MAF: variants seen among roughly 807,000 people sequenced by gnomAD.
MAF encodes transcription factor Maf.
A neutral mutation model predicts 22.0 loss-of-function variants in MAF; 10 were observed. That is an observed-to-expected ratio of 0.45 (90% CI 0.28 to 0.77). The LOEUF is 0.77. MAF is among the 30% of genes least tolerant of loss of function. The pLI is 0.12. For synonymous variants in MAF, 337 were observed against 255.8 expected (o/e 1.32, Z -3.03); for missense variants, 544 against 548.4 (o/e 0.99, Z 0.08).
chr16:79,600,043 C>A lies in MAF; in HGVS notation c.-141G>T. The A allele has an allele frequency of 8.4e-7, 1 of 1,183,728 alleles. No individual in the cohort carries two copies. The highest frequency in any genetic ancestry group is 1.2e-6 in the Non-Finnish European group (1 of 845,524). 73.3% of individuals were successfully genotyped at this position (1,183,728 alleles called of 1,614,324 possible). A position where few individuals can be genotyped will look rare whatever the true frequency, so the allele number is the denominator to read the frequency against. On this transcript the variant is annotated 5_prime_UTR_variant, in exon 1 of 2. Transcript: ENST00000326043. ...TCTAGCTTGCGCGGCGGTGGCTGGCCCGAAACCTCCGAGCGCGCTCACACA... is the reference window on the plus strand; with the variant it reads ...TCTAGCTTGCGCGGCGGTGGCTGGCACGAAACCTCCGAGCGCGCTCACACA...
chr16:79,308,070 C>G, the MAF span, among the ~76,000 whole-genome samples: 1 of 152,204 alleles, frequency 6.6e-6, no homozygotes, highest in Admixed American at 6.5e-5. Context: ...GTGATAATAT[C>G]TGACAGAGCC....
the MAF span, among the ~76,000 whole-genome samples, chr16:79,321,343 C>A: frequency 1.3e-5 from 2 of 152,168 alleles, no homozygotes; most frequent in African/African-American, 4.8e-5. Context: ...ATACAAGATG[C>A]CCAGTTAAAT....
the MAF span, among the ~76,000 whole-genome samples, chr16:79,453,667 A>C: frequency 6.6e-6 from 1 of 152,192 alleles, no homozygotes. Context: ...TTCTTGCAGG[A>C]AGGATTTCTG....
At chr16:79,375,302 A>G in the MAF span, among the ~76,000 whole-genome samples, 2 of 152,194 alleles carry the variant, frequency 1.3e-5, no homozygotes, top group Non-Finnish European at 2.9e-5. Flanking sequence ...GATTCTGTCC[A>G]GCAAATAAGA....
the MAF span, among the ~76,000 whole-genome samples, chr16:79,499,138 A>T: frequency 6.6e-6 from 1 of 152,224 alleles, no homozygotes; most frequent in Non-Finnish European, 1.5e-5. Context: ...TGTATTAGTC[A>T]TCTTTGCTGC....
chr16:79,406,761 G>A, the MAF span, among the ~76,000 whole-genome samples: 9 of 152,212 alleles, frequency 5.9e-5, no homozygotes, highest in South Asian at 4.2e-4. Flanking sequence ...GTTTTCAACC[G>A]TAAAACGGAT....
chr16:79,242,586 C>T, the MAF span, among the ~76,000 whole-genome samples: 3 of 151,954 alleles, frequency 2.0e-5, no homozygotes, highest in African/African-American at 7.2e-5. Context: ...GAGACTTAGA[C>T]TCCCACACAC....
At chr16:79,263,032 G>A in the MAF span, among the ~76,000 whole-genome samples, 1 of 152,184 alleles carries the variant, frequency 6.6e-6, no homozygotes, top group African/African-American at 2.4e-5. Flanking sequence ...CATAGGATGT[G>A]ACTGATATTT....
chr16:79,581,501 A>C (rs1404630347), downstream of MAF, among the ~76,000 whole-genome samples: 1 of 151,774 alleles, frequency 6.6e-6, no homozygotes, highest in Non-Finnish European at 1.5e-5. Context: ...AGAAGAAAAG[A>C]AACTTTGTCT....
the MAF span, among the ~76,000 whole-genome samples, chr16:79,400,717 G>T: frequency 1.3e-5 from 2 of 152,244 alleles, no homozygotes; most frequent in African/African-American, 4.8e-5. Flanking sequence ...CCTGCAAGGC[G>T]ATTTGATAGA....
the MAF span, among the ~76,000 whole-genome samples, chr16:79,422,249 C>A: frequency 1.3e-5 from 2 of 152,176 alleles, no homozygotes; most frequent in Non-Finnish European, 2.9e-5. Flanking sequence ...CAGCATATTT[C>A]ATGGTTGCGA....
chr16:79,297,609 T>A, the MAF span, among the ~76,000 whole-genome samples: 1 of 152,170 alleles, frequency 6.6e-6, no homozygotes, highest in South Asian at 2.1e-4. Context: ...TTTGTGAGAA[T>A]CCAACGCGAT....
At chr16:79,490,171 C>T in the MAF span, among the ~76,000 whole-genome samples, 3 of 152,134 alleles carry the variant, frequency 2.0e-5, no homozygotes, top group Admixed American at 1.3e-4. Flanking sequence ...CATCAGGGAA[C>T]CCTAATGTTG....
the MAF span, among the ~76,000 whole-genome samples, chr16:79,560,483 G>T: frequency 6.6e-6 from 1 of 151,358 alleles, no homozygotes; most frequent in Non-Finnish European, 1.5e-5. Flanking sequence ...GGAAGCTGTT[G>T]AAGGATCCCA....
chr16:79,463,880 T>G, the MAF span, among the ~76,000 whole-genome samples: 2 of 151,730 alleles, frequency 1.3e-5, no homozygotes, highest in Non-Finnish European at 2.9e-5. Flanking sequence ...TGTTCTTTGA[T>G]GCACCATCCC....
At chr16:79,519,250 C>G in the MAF span, among the ~76,000 whole-genome samples, 4 of 152,100 alleles carry the variant, frequency 2.6e-5, no homozygotes, top group Admixed American at 2.6e-4. Flanking sequence ...CAGAAACAGC[C>G]ATGTGACCAC....
chr16:79,589,022 T>G (rs1188243387), downstream of MAF, among the ~76,000 whole-genome samples: 1 of 152,182 alleles, frequency 6.6e-6, no homozygotes, highest in Non-Finnish European at 1.5e-5. Flanking sequence ...GATACTGACA[T>G]GTTTGTTTTA....
chr16:79,353,081 A>T, the MAF span, among the ~76,000 whole-genome samples: 1 of 150,610 alleles, frequency 6.6e-6, no homozygotes, highest in East Asian at 2.0e-4. Flanking sequence ...CCAAAATCAT[A>T]CAAAAAAAAA....
the MAF span, among the ~76,000 whole-genome samples, chr16:79,411,512 A>G: frequency 6.6e-6 from 1 of 152,220 alleles, no homozygotes; most frequent in Non-Finnish European, 1.5e-5. Context: ...GCAGGGCAGA[A>G]GATGAGAGCC....
Sources: allele counts gnomAD v4.1 joint callset (sites outside exome capture counted in the v4.1 genomes callset), GRCh38; gene constraint gnomAD v4.1.1; transcripts MANE v1.5; gene names NCBI Gene and HGNC (gene_info 2026-07-23, HGNC 2026-07-21).